CDH12: variants seen among roughly 807,000 people sequenced by gnomAD.
CDH12 encodes cadherin-12.
A neutral mutation model predicts 74.1 loss-of-function variants in CDH12; 41 were observed. That is an observed-to-expected ratio of 0.55 (90% CI 0.43 to 0.72). The LOEUF is 0.72. Among genes scored for constraint, CDH12 ranks in the 30% least tolerant of loss-of-function variants. The pLI is 0.00. For synonymous variants in CDH12, 399 were observed against 355.0 expected (o/e 1.12, Z -1.39); for missense variants, 945 against 977.2 (o/e 0.97, Z 0.44).
At chr5:22,268,318 T>C (rs989566046) in intron 3 of CDH12, among the ~76,000 whole-genome samples, 8 of 152,134 alleles carry the variant, frequency 5.3e-5, no homozygotes, top group African/African-American at 1.4e-4. Flanking sequence ...TGGACATATA[T>C]GATACATTAC....
At chr5:22,132,091 C>A (rs986321249) in intron 4 of CDH12, among the ~76,000 whole-genome samples, 1 of 152,030 alleles carries the variant, frequency 6.6e-6, no homozygotes, top group Non-Finnish European at 1.5e-5. Flanking sequence ...CTCCTCACCT[C>A]CCTCTCTGTC....
chr5:22,759,885 C>A (rs1746118440), intron 1 of CDH12, among the ~76,000 whole-genome samples: 1 of 152,168 alleles, frequency 6.6e-6, no homozygotes, highest in Non-Finnish European at 1.5e-5. Context: ...TGTTGTGCTT[C>A]AAGTTCAAGG....
intron 4 of CDH12, among the ~76,000 whole-genome samples, chr5:22,179,305 T>C (rs1199253490): frequency 6.6e-6 from 1 of 152,102 alleles, no homozygotes; most frequent in Non-Finnish European, 1.5e-5. Flanking sequence ...TTATCAAATA[T>C]GGGTTTATGA....
At chr5:22,444,493 G>A (rs1744742544) in intron 2 of CDH12, among the ~76,000 whole-genome samples, 1 of 151,018 alleles carries the variant, frequency 6.6e-6, no homozygotes, top group Non-Finnish European at 1.5e-5. Context: ...TGTTCCTAAA[G>A]ATGCAAAGAT....
At chr5:22,742,595 C>T (rs1011195783) in intron 1 of CDH12, among the ~76,000 whole-genome samples, 1 of 152,096 alleles carries the variant, frequency 6.6e-6, no homozygotes, top group Admixed American at 6.6e-5. Flanking sequence ...CCATTTTCTA[C>T]CTTTGACATT....
At chr5:22,511,303 A>G (rs1270397320) in intron 1 of CDH12, among the ~76,000 whole-genome samples, 1 of 152,226 alleles carries the variant, frequency 6.6e-6, no homozygotes, top group African/African-American at 2.4e-5. Flanking sequence ...ACTTGCAAAG[A>G]AAAGAAAAGC....
intron 9 of CDH12, among the ~76,000 whole-genome samples, chr5:21,813,820 A>AC (rs1747888092): frequency 6.6e-6 from 1 of 152,068 alleles, no homozygotes; most frequent in African/African-American, 2.4e-5. Flanking sequence ...ACTGTAAGAT[A>AC]CCCTCCACCC....
intron 4 of CDH12, among the ~76,000 whole-genome samples, chr5:22,151,508 A>C (rs1747580768): frequency 6.6e-6 from 1 of 152,172 alleles, no homozygotes; most frequent in African/African-American, 2.4e-5. Flanking sequence ...TCAAGAGATT[A>C]AATCACCAAA....
rs922770950 is a variant in CDH12 at position 21,911,744 on chromosome 5, A to G, written c.527-56954T>C. Among the ~76,000 whole-genome samples, 6 of 152,282 alleles carry G rather than the reference A, an allele frequency of 3.9e-5. No individual in the cohort carries two copies. The South Asian group carries it at 1.2e-3, about 32-fold the overall frequency. On this transcript the variant is annotated intron_variant, in intron 6 of 14. Coordinates refer to ENST00000382254, the MANE Select transcript of CDH12 (RefSeq NM_004061.5). ...GTGCTTTAGTTTTCACAGCTTGAAA[A>G]ATGGGAGTCAAATTATTTTTATATA... is the stretch of plus-strand genomic sequence containing the variant.
intron 3 of CDH12, among the ~76,000 whole-genome samples, chr5:22,396,677 C>A (rs1742475728): frequency 6.6e-6 from 1 of 152,052 alleles, no homozygotes; most frequent in Non-Finnish European, 1.5e-5. Flanking sequence ...CAAGCTTGTT[C>A]TGCCCAAACT....
intron 4 of CDH12, among the ~76,000 whole-genome samples, chr5:22,149,968 T>A (rs1747458198): frequency 6.6e-6 from 1 of 152,166 alleles, no homozygotes. Flanking sequence ...CACTCCAGCC[T>A]GGGTGACAGA....
At chr5:22,444,230 C>T (rs1420758228) in intron 2 of CDH12, among the ~76,000 whole-genome samples, 1 of 151,878 alleles carries the variant, frequency 6.6e-6, no homozygotes, top group East Asian at 1.9e-4. Context: ...TAGTCGTTTG[C>T]TGTGAATATA....
At chr5:21,873,165 C>G (rs1315386425) in intron 6 of CDH12, among the ~76,000 whole-genome samples, 1 of 151,996 alleles carries the variant, frequency 6.6e-6, no homozygotes, top group Admixed American at 6.6e-5. Context: ...AAAAATTAGT[C>G]CCACCTAATC....
At chr5:22,550,336 C>T (rs1225894406) in intron 1 of CDH12, among the ~76,000 whole-genome samples, 1 of 152,108 alleles carries the variant, frequency 6.6e-6, no homozygotes, top group Non-Finnish European at 1.5e-5. Flanking sequence ...TTTCCCATTG[C>T]CAATCTGACA....
At chr5:22,841,766 G>A (rs1219645357) in intron 1 of CDH12, among the ~76,000 whole-genome samples, 1 of 152,152 alleles carries the variant, frequency 6.6e-6, no homozygotes, top group African/African-American at 2.4e-5. Context: ...AGAATTAACT[G>A]AGTCAAATAA....
At chr5:22,591,891 T>A (rs1368887202) in intron 1 of CDH12, among the ~76,000 whole-genome samples, 8 of 152,342 alleles carry the variant, frequency 5.3e-5, no homozygotes, top group African/African-American at 1.9e-4. Flanking sequence ...ACTTTGTCCT[T>A]TGATGAACTA....
intron 4 of CDH12, among the ~76,000 whole-genome samples, chr5:22,186,713 C>T (rs1391203665): frequency 6.6e-6 from 1 of 152,100 alleles, no homozygotes; most frequent in African/African-American, 2.4e-5. Flanking sequence ...TCAAGTGATG[C>T]CCCCGCCTTG....
intron 3 of CDH12, among the ~76,000 whole-genome samples, chr5:22,357,621 C>T (rs1374764669): frequency 6.6e-6 from 1 of 152,048 alleles, no homozygotes; most frequent in African/African-American, 2.4e-5. Context: ...AAGTAAAACG[C>T]ATTGGATTGA....
chr5:22,460,790 G>A (rs571687584), intron 2 of CDH12, among the ~76,000 whole-genome samples: 15 of 140,656 alleles, frequency 1.1e-4, no homozygotes, highest in East Asian at 2.1e-4. Context: ...GCACGATCTC[G>A]GCTCACTGCA....
Sources: allele counts gnomAD v4.1 joint callset (sites outside exome capture counted in the v4.1 genomes callset), GRCh38; gene constraint gnomAD v4.1.1; transcripts MANE v1.5; gene names NCBI Gene and HGNC (gene_info 2026-07-23, HGNC 2026-07-21).